CTDSPL: variants seen among roughly 807,000 people sequenced by gnomAD.
CTDSPL encodes the protein CTD small phosphatase like.
A neutral mutation model predicts 30.5 loss-of-function variants in CTDSPL; 8 were observed. That is an observed-to-expected ratio of 0.26 (90% CI 0.15 to 0.47). The LOEUF (loss-of-function observed/expected upper bound fraction) is 0.47, where lower values mean the gene tolerates loss of function less well. Ranked by LOEUF, CTDSPL falls within the 20% of genes least tolerant of loss-of-function variation. The probability of loss-of-function intolerance (pLI) is 0.99; values close to 1 mark genes in which losing one functional copy is unlikely to be tolerated. For synonymous variants in CTDSPL, 110 were observed against 137.9 expected (o/e 0.80, Z 1.42); for missense variants, 248 against 366.1 (o/e 0.68, Z 2.63).
intron 1 of CTDSPL, among the ~76,000 whole-genome samples, chr3:37,919,829 T>C (rs764685791): frequency 5.9e-5 from 9 of 152,080 alleles, no homozygotes; most frequent in Non-Finnish European, 1.2e-4. Context: ...GAGAAGAAAG[T>C]TGAGTTTGCC....
At chr3:37,951,687 C>T (rs2125624679) in intron 2 of CTDSPL, among the ~76,000 whole-genome samples, 1 of 150,306 alleles carries the variant, frequency 6.7e-6, no homozygotes, top group Non-Finnish European at 1.5e-5. Context: ...TCTCAAAAAG[C>T]AATGTAGAAA....
chr3:37,893,664 C>T (rs1371989011), intron 1 of CTDSPL, among the ~76,000 whole-genome samples: 1 of 151,976 alleles, frequency 6.6e-6, no homozygotes, highest in Admixed American at 6.6e-5. Context: ...CTCTAGGTCT[C>T]GATAATGTTT....
intron 1 of CTDSPL, among the ~76,000 whole-genome samples, chr3:37,899,964 G>A (rs1205500340): frequency 1.3e-5 from 2 of 152,196 alleles, no homozygotes; most frequent in Non-Finnish European, 2.9e-5. Flanking sequence ...GCTTGGATCA[G>A]TGGGGAGACC....
At chr3:37,942,276 G>A (rs1698987234) in intron 1 of CTDSPL, among the ~76,000 whole-genome samples, 1 of 150,516 alleles carries the variant, frequency 6.6e-6, no homozygotes, top group Non-Finnish European at 1.5e-5. Flanking sequence ...TCCAGCCTTT[G>A]ATCCAGCGTT....
At position 37,961,136 on chromosome 3, in the gene CTDSPL, C is replaced by CT. The variant is rs1699240470; in HGVS notation, c.268-3429dup. On this transcript the variant is annotated intron_variant, in intron 3 of 7. Transcript: ENST00000273179. ...GTAAGGCATGAAGTAGGAAGCTATC[C>CT]TTTTTTCCAAGTGGCTACTCAGTTG... Among the ~76,000 whole-genome samples, 4 of 152,194 alleles carry CT rather than the reference C, an allele frequency of 2.6e-5. No individual in the cohort carries two copies. The South Asian group carries it at 8.3e-4, about 32-fold the overall frequency.
chr3:37,934,158 C>CA (rs993739435), intron 1 of CTDSPL, among the ~76,000 whole-genome samples: 24 of 147,960 alleles, frequency 1.6e-4, no homozygotes, highest in Non-Finnish European at 2.1e-4. Flanking sequence ...CCTCTCTCTA[C>CA]AAAAAAAAAA....
chr3:37,903,815 C>T (rs1698480804), intron 1 of CTDSPL, among the ~76,000 whole-genome samples: 1 of 152,194 alleles, frequency 6.6e-6, no homozygotes. Context: ...AGAGAAGCTA[C>T]AATGGGTCAA....
intron 1 of CTDSPL, among the ~76,000 whole-genome samples, chr3:37,877,912 C>T (rs936054384): frequency 6.6e-5 from 10 of 152,064 alleles, no homozygotes; most frequent in African/African-American, 2.2e-4. Context: ...ATGAGGGATC[C>T]GCTCCCATGA....
At chr3:37,974,600 A>AT (rs1166867319) in intron 6 of CTDSPL, among the ~76,000 whole-genome samples, 1 of 152,072 alleles carries the variant, frequency 6.6e-6, no homozygotes, top group Non-Finnish European at 1.5e-5. Flanking sequence ...AGTTATGAGG[A>AT]TTTTCTCTCA....
At chr3:37,880,155 T>C (rs1224583181) in intron 1 of CTDSPL, among the ~76,000 whole-genome samples, 1 of 149,520 alleles carries the variant, frequency 6.7e-6, no homozygotes, top group Non-Finnish European at 1.5e-5. Context: ...ATATATATCT[T>C]ATTTCATCTT....
At chr3:37,879,198 C>T (rs1698174299) in intron 1 of CTDSPL, among the ~76,000 whole-genome samples, 1 of 152,190 alleles carries the variant, frequency 6.6e-6, no homozygotes, top group Non-Finnish European at 1.5e-5. Flanking sequence ...GGAAGTATAA[C>T]CCAGTTCATA....
chr3:37,873,699 C>T (rs1698102708), intron 1 of CTDSPL, among the ~76,000 whole-genome samples: 1 of 152,168 alleles, frequency 6.6e-6, no homozygotes, highest in African/African-American at 2.4e-5. Context: ...AGAAAGTTGT[C>T]ATTTTAAAGG....
Position 37,862,123 on chromosome 3 carries a change from G to A in CTDSPL, c.-77G>A. On this transcript the variant is annotated 5_prime_UTR_variant, in exon 1 of 8. Transcript: ENST00000273179. The surrounding 1 kb of genome is among the most constrained non-coding windows in gnomAD (Gnocchi z 4.3). Reference sequence around the variant, plus strand: ...GAGCGCCCCCCCGCGCCGCGCCCCCGCGCCCCCCGCGCCGCGCCCCCGCGC... The same window carrying A: ...GAGCGCCCCCCCGCGCCGCGCCCCCACGCCCCCCGCGCCGCGCCCCCGCGC... 1 of 612,336 alleles carries A rather than the reference G, an allele frequency of 1.6e-6. No individual in the cohort carries two copies. Among genetic ancestry groups the A allele is most frequent in the Non-Finnish European group, 2.0e-6 (1 of 495,900 alleles). 37.9% of individuals were successfully genotyped at this position (612,336 alleles called of 1,614,324 possible).
At chr3:37,964,761 T>C in intron 4 of CTDSPL, 89 bp downstream of exon 4, 1 of 990,488 alleles carries the variant, frequency 1.0e-6, no homozygotes, top group Non-Finnish European at 1.6e-6. Flanking sequence ...TGAAAGCTTA[T>C]GGTGGTTAGT....
At chr3:37,905,633 C>T (rs1465697992) in intron 1 of CTDSPL, among the ~76,000 whole-genome samples, 2 of 152,230 alleles carry the variant, frequency 1.3e-5, no homozygotes, top group African/African-American at 4.8e-5. Context: ...TGCAGAAGTG[C>T]AGACATGTTC....
At chr3:37,863,755 C>T (rs1466767858) in intron 1 of CTDSPL, among the ~76,000 whole-genome samples, 1 of 152,212 alleles carries the variant, frequency 6.6e-6, no homozygotes, top group African/African-American at 2.4e-5. Context: ...GGCCACTGGG[C>T]AAGCCCGTCA....
intron 1 of CTDSPL, among the ~76,000 whole-genome samples, chr3:37,934,907 T>G: frequency 6.6e-6 from 1 of 152,192 alleles, no homozygotes; most frequent in African/African-American, 2.4e-5. Flanking sequence ...CCTAGGGGAC[T>G]CAGATATGAA....
chr3:37,960,498 AAAAAAAAATAT>A (rs1237734994), intron 3 of CTDSPL, among the ~76,000 whole-genome samples: 3 of 64,180 alleles, frequency 4.7e-5, no homozygotes, highest in African/African-American at 2.1e-4. Context: ...AAAAAAAAAA[AAAAAAAAATAT>A]ATATATATAT....
chr3:37,902,433 C>T (rs927303436), intron 1 of CTDSPL, among the ~76,000 whole-genome samples: 2 of 151,974 alleles, frequency 1.3e-5, no homozygotes, highest in African/African-American at 2.4e-5. Flanking sequence ...ACAAATAGTC[C>T]GTTTTCCATG....
Sources: allele counts gnomAD v4.1 joint callset (sites outside exome capture counted in the v4.1 genomes callset), GRCh38; gene constraint gnomAD v4.1.1; non-coding constraint Gnocchi (gnomAD v3.1); transcripts MANE v1.5; gene names NCBI Gene and HGNC (gene_info 2026-07-23, HGNC 2026-07-21).